BCAT1: variants seen among roughly 807,000 people sequenced by gnomAD.
The protein encoded by BCAT1 is branched chain amino acid transaminase 1.
In BCAT1, 48 loss-of-function variants were observed where a neutral mutation model predicts 52.4. The ratio of observed to expected loss-of-function variants is 0.92; its 90% CI spans 0.73 to 1.16. BCAT1 has a LOEUF of 1.16. Among genes scored for constraint, BCAT1 ranks in the 50% most tolerant of loss-of-function variants. The pLI is 0.00. For synonymous variants in BCAT1, 167 were observed against 161.3 expected, an observed-to-expected ratio of 1.04 and a Z score of -0.27; for missense variants, 451 against 457.1, an observed-to-expected ratio of 0.99 and a Z score of 0.12.
intron 5 of BCAT1, among the ~76,000 whole-genome samples, chr12:24,859,618 CAAAAAA>C (rs71063366): frequency 5.3e-5 from 5 of 94,010 alleles, no homozygotes; most frequent in African/African-American, 2.0e-4. Flanking sequence ...AGACTCGTCT[CAAAAAA>C]AAAAAAAAAA....
At chr12:24,910,928 AC>A (rs1384268040) in intron 1 of BCAT1, among the ~76,000 whole-genome samples, 1 of 152,092 alleles carries the variant, frequency 6.6e-6, no homozygotes, top group Non-Finnish European at 1.5e-5. Flanking sequence ...ACATGGTAAA[AC>A]CCTGTCTTTA....
rs1430459329 is a variant in BCAT1, at chr12:24,814,290, T to C, written c.*3718A>G. 5.3e-5 allele frequency: 8 copies of C among 152,110 alleles called. No individual in the cohort carries two copies. Among genetic ancestry groups the C allele is most frequent in the Non-Finnish European group, 8.8e-5 (6 of 67,986 alleles). 9.4% of individuals were successfully genotyped at this position (152,110 alleles called of 1,614,324 possible). On this transcript the variant is annotated 3_prime_UTR_variant, in exon 11 of 11. Coordinates refer to ENST00000261192, the MANE Select transcript of BCAT1 (RefSeq NM_005504.7). Reference sequence around the variant, plus strand: ...TTAACTCTTCTGCCGGCTTACTTGGTACCTCTGATGAATATTTATTGCTCT... The same window carrying C: ...TTAACTCTTCTGCCGGCTTACTTGGCACCTCTGATGAATATTTATTGCTCT...
chr12:24,873,722 A>T (rs1226997968), intron 5 of BCAT1, among the ~76,000 whole-genome samples: 1 of 152,180 alleles, frequency 6.6e-6, no homozygotes, highest in Non-Finnish European at 1.5e-5. Context: ...GAAATCTGAA[A>T]TGCTCCAATG....
chr12:24,892,290 T>C (rs942151876), intron 3 of BCAT1, among the ~76,000 whole-genome samples: 1 of 152,104 alleles, frequency 6.6e-6, no homozygotes, highest in African/African-American at 2.4e-5. Context: ...AAATTACAGA[T>C]GTGAACCACC....
At chr12:24,836,700 A>G (rs1591791606) in intron 7 of BCAT1, 104 bp from the exon 8 acceptor site, 2 of 963,506 alleles carry the variant, frequency 2.1e-6, no homozygotes, top group East Asian at 2.6e-5. Context: ...TGCTAGCAAC[A>G]AACATAAAGA....
At chr12:24,940,750 C>G (rs545703102) in intron 1 of BCAT1, among the ~76,000 whole-genome samples, 2 of 152,290 alleles carry the variant, frequency 1.3e-5, no homozygotes, top group East Asian at 3.9e-4. Context: ...TGCCAGAACT[C>G]TCCACAGGGA....
intron 1 of BCAT1, among the ~76,000 whole-genome samples, chr12:24,944,312 C>CTGAAA (rs1247722730): frequency 6.6e-6 from 1 of 152,196 alleles, no homozygotes; most frequent in Non-Finnish European, 1.5e-5. Context: ...TCTAAATCAA[C>CTGAAA]TGAAATGAAA....
intron 2 of BCAT1, among the ~76,000 whole-genome samples, chr12:24,894,764 A>G (rs1004493420): frequency 3.9e-5 from 6 of 152,212 alleles, no homozygotes; most frequent in African/African-American, 1.2e-4. Flanking sequence ...AAAAAAGAAT[A>G]CAACCCTTTT....
chr12:24,927,354 G>C (rs985576505), intron 1 of BCAT1, among the ~76,000 whole-genome samples: 16 of 151,976 alleles, frequency 1.1e-4, no homozygotes, highest in Non-Finnish European at 4.4e-5. Flanking sequence ...AGTTATAAGA[G>C]AGAAACAGAA....
chr12:24,939,897 C>A (rs1397698234), intron 1 of BCAT1, among the ~76,000 whole-genome samples: 1 of 152,102 alleles, frequency 6.6e-6, no homozygotes, highest in Non-Finnish European at 1.5e-5. Context: ...TTCAGATTTT[C>A]TTGATAATGA....
intron 10 of BCAT1, among the ~76,000 whole-genome samples, chr12:24,820,841 C>A (rs773034989): frequency 1.3e-5 from 2 of 152,134 alleles, no homozygotes; most frequent in Non-Finnish European, 2.9e-5. Flanking sequence ...TGCTAAATGC[C>A]TTTAAATTCC....
At chr12:24,925,735 G>A (rs1056635726) in intron 1 of BCAT1, among the ~76,000 whole-genome samples, 54 of 152,250 alleles carry the variant, frequency 3.5e-4, no homozygotes, top group Middle Eastern at 3.4e-3. Flanking sequence ...GATTGCAGGC[G>A]CGCGCCACCA....
At chr12:24,912,371 T>A (rs1298143898) in intron 1 of BCAT1, among the ~76,000 whole-genome samples, 1 of 151,772 alleles carries the variant, frequency 6.6e-6, no homozygotes, top group Non-Finnish European at 1.5e-5. Context: ...TACAAAAAAA[T>A]TAGCCGGGCG....
intron 1 of BCAT1, chr12:24,903,040 C>G (rs1943158532): frequency 7.2e-7 from 1 of 1,396,860 alleles, no homozygotes; most frequent in Non-Finnish European, 9.2e-7. Context: ...GCACGGAGCG[C>G]GCGGCTGGAA....
At chr12:24,894,169 A>G (rs1160515944) in intron 3 of BCAT1, 106 bp downstream of exon 3, 2 of 1,090,036 alleles carry the variant, frequency 1.8e-6, no homozygotes, top group East Asian at 2.6e-5. Context: ...CCTCTGGTAA[A>G]TATGATAAAG....
At chr12:24,926,484 C>T (rs569853202) in intron 1 of BCAT1, among the ~76,000 whole-genome samples, 1 of 152,350 alleles carries the variant, frequency 6.6e-6, no homozygotes, top group South Asian at 2.1e-4. Context: ...TGAGAACGGG[C>T]CATGATGACA....
intron 5 of BCAT1, among the ~76,000 whole-genome samples, chr12:24,874,163 A>T (rs908886850): frequency 6.6e-6 from 1 of 152,086 alleles, no homozygotes; most frequent in Non-Finnish European, 1.5e-5. Flanking sequence ...AAAGTACAAA[A>T]ATTAGCTGGG....
rs79280680 is a variant in BCAT1 at position 24,888,514 on chromosome 12, A to G, written c.279+5761T>C. Among the ~76,000 whole-genome samples the G allele has an allele frequency of 7.5e-3, 1,141 of 152,276 alleles. 8 individuals carry two copies. Among genetic ancestry groups the G allele is most frequent in the African/African-American group, 0.027 (1,104 of 41,566 alleles). On this transcript the variant is annotated intron_variant, in intron 3 of 10. Transcript: ENST00000261192. ...ACCTTGTCTCAGAAAAAAAAGAAAG[A>G]AAGAAAACAATTCTTTGAGAGCAAG...
rs533381767 is a variant in BCAT1 at position 24,862,497 on chromosome 12, G to A, written c.511-12548C>T. Among the ~76,000 whole-genome samples, 77 of 152,274 alleles carry A rather than the reference G, an allele frequency of 5.1e-4. 1 individual carries two copies. Among genetic ancestry groups the A allele is most frequent in the Non-Finnish European group, 6.0e-4 (41 of 68,024 alleles). On this transcript the variant is annotated intron_variant, in intron 5 of 10. Coordinates refer to ENST00000261192, the MANE Select transcript of BCAT1 (RefSeq NM_005504.7). ...CAGAGGCTGAACACAGAGGGCTTTC[G>A]TGTCCTCTGCTTCACCTTTTGATGT...
Sources: gnomAD v4.1 joint callset for allele counts (sites outside exome capture counted in the v4.1 genomes callset) on GRCh38, gnomAD v4.1.1 for gene constraint, MANE v1.5 for transcripts, NCBI Gene and HGNC (gene_info 2026-07-23, HGNC 2026-07-21) for gene names.